UNC79: variants seen among roughly 807,000 people sequenced by gnomAD.
UNC79 encodes protein unc-79 homolog.
In UNC79, 37 loss-of-function variants were observed where a neutral mutation model predicts 283.1. That is an observed-to-expected ratio of 0.13 (90% CI 0.10 to 0.17). The LOEUF (loss-of-function observed/expected upper bound fraction) is 0.17. Among genes scored for constraint, UNC79 ranks in the 10% least tolerant of loss-of-function variants. The pLI, the probability that UNC79 is intolerant of heterozygous loss-of-function variation, is 1.00. For missense variants in UNC79, 2,272 were observed against 3,211.1 expected (o/e 0.71, Z 7.07); for synonymous variants, 1,107 against 1,200.2 (o/e 0.92, Z 1.61).
Position 93,698,642 on chromosome 14 carries a change from T to C in UNC79, c.7548+4230T>C, listed in dbSNP as rs184680110. ...CTGGGACCACAGGTGCCCACCGCCATGCCCAGCTAATTTTTGTATTTTTAG... is the reference window on the plus strand; with the variant it reads ...CTGGGACCACAGGTGCCCACCGCCACGCCCAGCTAATTTTTGTATTTTTAG... On this transcript the variant is annotated intron_variant, in intron 47 of 48. Transcript: ENST00000555664. 3.1e-3 allele frequency among the ~76,000 whole-genome samples: 466 copies of C among 152,016 alleles called. 3 individuals carry two copies. The highest frequency in any genetic ancestry group is 0.011 in the African/African-American group (438 of 41,464).
At chr14:93,429,627 A>T (rs2055809550), upstream of UNC79, among the ~76,000 whole-genome samples, 3 of 152,210 alleles carry the variant, frequency 2.0e-5, no homozygotes, top group Admixed American at 2.0e-4. Context: ...CTTTCCCTAA[A>T]TAGGATCTTT....
intron 27 of UNC79, among the ~76,000 whole-genome samples, chr14:93,616,577 C>G (rs961787755): frequency 1.3e-5 from 2 of 152,040 alleles, no homozygotes; most frequent in Non-Finnish European, 2.9e-5. Context: ...GCCGTGTTGC[C>G]TGAGCATACT....
intron 1 of UNC79, among the ~76,000 whole-genome samples, chr14:93,458,209 A>C (rs1220488603): frequency 6.6e-6 from 1 of 152,246 alleles, no homozygotes; most frequent in African/African-American, 2.4e-5. Context: ...ACCAATAAAA[A>C]ATTAAGATGG....
intron 1 of UNC79, among the ~76,000 whole-genome samples, chr14:93,335,684 G>A (rs992819085): frequency 6.6e-6 from 1 of 152,164 alleles, no homozygotes; most frequent in Non-Finnish European, 1.5e-5. Context: ...AATTGGCTTT[G>A]TTTGCCAATG....
chr14:93,662,836 C>T, intron 40 of UNC79, 122 bp downstream of exon 43: 1 of 607,380 alleles, frequency 1.6e-6, no homozygotes, highest in East Asian at 2.8e-5. Flanking sequence ...ATGAGTAATT[C>T]TACTGAGGTC....
At chr14:93,510,685 C>T (rs1160810675) in intron 7 of UNC79, among the ~76,000 whole-genome samples, 3 of 152,196 alleles carry the variant, frequency 2.0e-5, no homozygotes, top group African/African-American at 4.8e-5. Flanking sequence ...TCATCTCCAT[C>T]GGAGACTGCC....
chr14:93,549,498 T>C (rs759308779), intron 14 of UNC79, among the ~76,000 whole-genome samples: 4 of 152,212 alleles, frequency 2.6e-5, no homozygotes, highest in Non-Finnish European at 5.9e-5. Flanking sequence ...CACGTACACC[T>C]GAAAGCATTT....
chr14:93,529,755 GA>G (rs1363239920), intron 10 of UNC79, among the ~76,000 whole-genome samples: 3 of 152,122 alleles, frequency 2.0e-5, no homozygotes, highest in African/African-American at 7.2e-5. Flanking sequence ...TTGTGGGGGG[GA>G]AATCATTGAA....
intron 22 of UNC79, among the ~76,000 whole-genome samples, chr14:93,589,821 G>A (rs546240465): frequency 6.6e-6 from 1 of 152,210 alleles, no homozygotes; most frequent in East Asian, 1.9e-4. Context: ...CCAGCATGTC[G>A]GAAAATAGAG....
At chr14:93,653,131 A>G (rs1043414841) in intron 35 of UNC79, among the ~76,000 whole-genome samples, 1 of 152,030 alleles carries the variant, frequency 6.6e-6, no homozygotes, top group Non-Finnish European at 1.5e-5. Context: ...ATCAAGAAGC[A>G]TCCTTTCTGG....
intron 24 of UNC79, among the ~76,000 whole-genome samples, chr14:93,598,568 C>G (rs1334279747): frequency 6.6e-6 from 1 of 152,194 alleles, no homozygotes; most frequent in Admixed American, 6.5e-5. Flanking sequence ...CTTGCCCAGG[C>G]TGGAGTGCAG....
intron 1 of UNC79, among the ~76,000 whole-genome samples, chr14:93,423,353 A>G (rs1304447691): frequency 1.3e-5 from 2 of 152,192 alleles, no homozygotes; most frequent in African/African-American, 4.8e-5. Context: ...CAAAAATAGA[A>G]AAAAGCAATT....
rs560591505 is a variant in UNC79, at chr14:93,451,809, AGTTGGTTC to A, written c.23-15861_23-15854del. Among the ~76,000 whole-genome samples, 25 of 152,256 alleles carry A rather than the reference AGTTGGTTC, an allele frequency of 1.6e-4. No homozygotes were observed. The South Asian group carries it at 5.0e-3, about 30-fold the overall frequency. ...CTAGTTGGTTCTTGGCTTTGGAATC[AGTTGGTTC>A]TTAGCACTGCTGCTGGCCTGGGATT... On this transcript the variant is annotated intron_variant, in intron 1 of 48. Transcript: ENST00000555664.
Position 93,536,099 on chromosome 14 carries a change from GTTATCTGCATCCTGCACAGCT to G in UNC79, c.1123-1889_1123-1869del, listed in dbSNP as rs372311057. Reference sequence around the variant, plus strand: ...TTGAATACTTGTGAATGAAAGAAATGTTATCTGCATCCTGCACAGCTAACATGCAATAGTGATACAGGGGTA... The same window carrying G: ...TTGAATACTTGTGAATGAAAGAAATGAACATGCAATAGTGATACAGGGGTA... On this transcript the variant is annotated intron_variant, in intron 11 of 48. Transcript: ENST00000555664. Among the ~76,000 whole-genome samples, 239 of 152,278 alleles carry G rather than the reference GTTATCTGCATCCTGCACAGCT, an allele frequency of 1.6e-3. 1 individual carries two copies. The highest frequency in any genetic ancestry group is 3.7e-3 in the South Asian group (18 of 4,824).
chr14:93,648,975 G>A (rs1346138139), intron 35 of UNC79, among the ~76,000 whole-genome samples: 1 of 152,186 alleles, frequency 6.6e-6, no homozygotes, highest in Non-Finnish European at 1.5e-5. Flanking sequence ...GCGTGCGTGT[G>A]TATAGCATGT....
intron 40 of UNC79, among the ~76,000 whole-genome samples, chr14:93,669,903 A>G (rs541510440): frequency 6.6e-6 from 1 of 152,300 alleles, no homozygotes; most frequent in Non-Finnish European, 1.5e-5. Flanking sequence ...AGCATTCAGC[A>G]CACAATCAAA....
chr14:93,465,392 G>A (rs1262665446), intron 1 of UNC79, among the ~76,000 whole-genome samples: 1 of 152,164 alleles, frequency 6.6e-6, no homozygotes, highest in Non-Finnish European at 1.5e-5. Context: ...TTGGGATAGA[G>A]CCATGAGTAA....
At chr14:93,568,014 T>A (rs889339933) in intron 14 of UNC79, among the ~76,000 whole-genome samples, 22 of 152,164 alleles carry the variant, frequency 1.4e-4, no homozygotes, top group Admixed American at 1.4e-3. Flanking sequence ...TGATTAGCCT[T>A]TCCAAAGGAG....
rs537937774 is a variant in UNC79 at position 93,530,858 on chromosome 14, G to A, written c.1093+1532G>A. On this transcript the variant is annotated intron_variant, in intron 10 of 48. Coordinates refer to ENST00000555664, the Ensembl canonical transcript of UNC79. ...TTTGAGGCGGAGCTGGCAGTGAGCC[G>A]AGATCGCCCCACTGCACTCCAGCCT... Among the ~76,000 whole-genome samples the A allele has an allele frequency of 1.7e-3, 254 of 152,240 alleles. 2 individuals are homozygous for A. The highest frequency in any genetic ancestry group is 6.0e-3 in the African/African-American group (248 of 41,540).
Sources: allele counts gnomAD v4.1 joint callset (sites outside exome capture counted in the v4.1 genomes callset), GRCh38; gene constraint gnomAD v4.1.1; transcripts MANE v1.5; gene names NCBI Gene and HGNC (gene_info 2026-07-23, HGNC 2026-07-21).